NCOA3: variants seen among roughly 807,000 people sequenced by gnomAD.
The protein encoded by NCOA3 is CBP-interacting protein.
NCOA3 carries 51 observed loss-of-function variants against 158.8 expected under a neutral mutation model. The ratio of observed to expected loss-of-function variants is 0.32; its 90% CI spans 0.26 to 0.41. The LOEUF (loss-of-function observed/expected upper bound fraction) is 0.41. Ranked by LOEUF, NCOA3 falls within the 10% of genes least tolerant of loss-of-function variation. The probability of loss-of-function intolerance (pLI) is 1.00; values close to 1 mark genes in which losing one functional copy is unlikely to be tolerated. For synonymous variants in NCOA3, 537 were observed against 592.4 expected, an observed-to-expected ratio of 0.91 and a Z score of 1.36; for missense variants, 1,510 against 1,746.6, an observed-to-expected ratio of 0.86 and a Z score of 2.41.
chr20:47,650,257 A>T (rs2086760340), intron 19 of NCOA3, among the ~76,000 whole-genome samples: 1 of 146,254 alleles, frequency 6.8e-6, no homozygotes, highest in Non-Finnish European at 1.5e-5. Context: ...ATAGCCAGAA[A>T]GCTTTTTTTT....
At chr20:47,527,648 T>A (rs754218912) in intron 1 of NCOA3, among the ~76,000 whole-genome samples, 13 of 152,204 alleles carry the variant, frequency 8.5e-5, no homozygotes, top group Non-Finnish European at 1.3e-4. Flanking sequence ...GGAGGTGGAA[T>A]TGCTGGATCA....
intron 2 of NCOA3, among the ~76,000 whole-genome samples, chr20:47,610,663 G>A (rs999667870): frequency 1.3e-5 from 2 of 152,224 alleles, no homozygotes; most frequent in Non-Finnish European, 2.9e-5. Context: ...AGGAAGTCTT[G>A]TGAGTCAGAC....
chr20:47,529,085 C>T (rs1023287060), intron 1 of NCOA3, among the ~76,000 whole-genome samples: 1 of 150,058 alleles, frequency 6.7e-6, no homozygotes, highest in African/African-American at 2.4e-5. Flanking sequence ...TTTTTTCTTA[C>T]TCAGGGTGAT....
intron 1 of NCOA3, among the ~76,000 whole-genome samples, chr20:47,503,758 TTGTA>T (rs1304869304): frequency 1.3e-5 from 2 of 152,226 alleles, no homozygotes; most frequent in African/African-American, 2.4e-5. Context: ...GGTTCATTGT[TTGTA>T]TGTACAATGA....
At chr20:47,615,771 T>C (rs963591357) in intron 2 of NCOA3, among the ~76,000 whole-genome samples, 13 of 152,224 alleles carry the variant, frequency 8.5e-5, no homozygotes, top group African/African-American at 2.9e-4. Context: ...TTAAATCTTA[T>C]CATGGATATA....
At chr20:47,561,015 T>A (rs1445943631) in intron 1 of NCOA3, among the ~76,000 whole-genome samples, 1 of 143,396 alleles carries the variant, frequency 7.0e-6, no homozygotes, top group Non-Finnish European at 1.5e-5. Context: ...TCACCCGGGC[T>A]GGAGTATAGT....
chr20:47,600,587 C>T (rs1176916817), intron 2 of NCOA3, among the ~76,000 whole-genome samples: 4 of 148,286 alleles, frequency 2.7e-5, no homozygotes, highest in East Asian at 4.0e-4. Flanking sequence ...GGTGTGATCT[C>T]GGCTCACTTC....
chr20:47,556,330 A>G (rs1354288893), intron 1 of NCOA3, among the ~76,000 whole-genome samples: 1 of 152,220 alleles, frequency 6.6e-6, no homozygotes, highest in Non-Finnish European at 1.5e-5. Flanking sequence ...TTATGTGGCA[A>G]GTAATTAGCA....
In NCOA3 at chr20:47,625,352, A is replaced by G. The variant is rs775419647; in HGVS notation, c.257-29A>G. 3 of 1,472,838 alleles carry G rather than the reference A, an allele frequency of 2.0e-6. No homozygotes were observed. The East Asian group carries it at 6.8e-5, about 33-fold the overall frequency. The allele number at this position is 1,472,838 out of a possible 1,614,324, so 91.2% of individuals were successfully genotyped here. On this transcript the variant is annotated intron_variant, in intron 4 of 22. Transcript: ENST00000371998. ...TTTAATCTATAACTGATAGTGTGTT[A>G]TTCGTTATACCACCTTCTGTCTTTT... is the stretch of plus-strand genomic sequence containing the variant.
chr20:47,580,770 C>T (rs181645971), intron 1 of NCOA3, among the ~76,000 whole-genome samples: 5 of 152,122 alleles, frequency 3.3e-5, no homozygotes, highest in Admixed American at 1.3e-4. Context: ...TCATCTTACA[C>T]GAATTAAATT....
intron 1 of NCOA3, among the ~76,000 whole-genome samples, chr20:47,572,592 A>C (rs1329477384): frequency 2.0e-5 from 3 of 151,076 alleles, no homozygotes; most frequent in Non-Finnish European, 4.4e-5. Flanking sequence ...GCTGGAGTGC[A>C]GTGGAACAAT....
intron 1 of NCOA3, among the ~76,000 whole-genome samples, chr20:47,568,952 AAC>A (rs1208239767): frequency 2.0e-4 from 30 of 151,890 alleles, no homozygotes; most frequent in African/African-American, 6.8e-4. Context: ...GACAAATTAA[AAC>A]AGTTTTTTTT....
chr20:47,517,256 G>GAGTAA (rs2084248898), intron 1 of NCOA3, among the ~76,000 whole-genome samples: 1 of 152,020 alleles, frequency 6.6e-6, no homozygotes, highest in African/African-American at 2.4e-5. Flanking sequence ...TTACTATAAC[G>GAGTAA]AAACAGTACA....
intron 2 of NCOA3, among the ~76,000 whole-genome samples, chr20:47,612,837 T>A (rs1039611475): frequency 3.9e-5 from 6 of 152,200 alleles, no homozygotes; most frequent in African/African-American, 1.4e-4. Context: ...CTCCCTTAAC[T>A]CCCTCTGTAC....
At chr20:47,525,706 CG>C (rs1336574274) in intron 1 of NCOA3, among the ~76,000 whole-genome samples, 8 of 117,422 alleles carry the variant, frequency 6.8e-5, no homozygotes, top group African/African-American at 3.0e-4. Flanking sequence ...GCTGGCCGGG[CG>C]GGGGGCTGAC....
intron 1 of NCOA3, among the ~76,000 whole-genome samples, chr20:47,558,942 T>G (rs2085056608): frequency 1.3e-5 from 2 of 152,022 alleles, no homozygotes; most frequent in Non-Finnish European, 2.9e-5. Flanking sequence ...CAGGAATTTA[T>G]TGTTTTGGAC....
At chr20:47,525,260 C>A (rs374290554) in intron 1 of NCOA3, among the ~76,000 whole-genome samples, 6 of 151,380 alleles carry the variant, frequency 4.0e-5, no homozygotes, top group Non-Finnish European at 7.4e-5. Flanking sequence ...GTAAGGTCAC[C>A]GATCAACAGG....
At chr20:47,575,001 C>G (rs745858290) in intron 1 of NCOA3, among the ~76,000 whole-genome samples, 2 of 152,138 alleles carry the variant, frequency 1.3e-5, no homozygotes, top group African/African-American at 2.4e-5. Flanking sequence ...CTTAGGAACT[C>G]TGGGATCTTC....
intron 1 of NCOA3, among the ~76,000 whole-genome samples, chr20:47,570,379 C>A (rs1450727415): frequency 2.6e-5 from 4 of 152,162 alleles, no homozygotes; most frequent in Non-Finnish European, 4.4e-5. Flanking sequence ...TGGTTGAGGC[C>A]TCAGTGAGCT....
Sources: gnomAD v4.1 joint callset for allele counts (sites outside exome capture counted in the v4.1 genomes callset) on GRCh38, gnomAD v4.1.1 for gene constraint, MANE v1.5 for transcripts, NCBI Gene and HGNC (gene_info 2026-07-23, HGNC 2026-07-21) for gene names.